RHBDL2: variants seen among roughly 807,000 people sequenced by gnomAD.
RHBDL2 encodes the protein rhomboid-related protein 2.
Under a neutral mutation model 31.7 loss-of-function variants are expected in RHBDL2, and 26 were observed. The observed-to-expected ratio is 0.82, with a 90% CI of 0.60 to 1.14. The LOEUF (loss-of-function observed/expected upper bound fraction) is 1.14, where lower values mean the gene tolerates loss of function less well. RHBDL2 is among the 50% of genes most tolerant of loss of function. RHBDL2 has a pLI of 0.00. For missense variants in RHBDL2, 336 were observed against 364.4 expected (o/e 0.92, Z 0.63); for synonymous variants, 123 against 127.2 (o/e 0.97, Z 0.22).
At position 38,911,260 on chromosome 1, in the gene RHBDL2, T is replaced by C. The variant is rs573985222; in HGVS notation, c.508+62A>G. ...AAGAAGCCTACTATAAGTGTGTATT[T>C]CATTTGCTTTTAATCCTAAGAGCCC... On this transcript the variant is annotated intron_variant, in intron 4 of 7. Transcript: ENST00000372990. 20 of 1,102,694 alleles carry C rather than the reference T, an allele frequency of 1.8e-5. No homozygotes were observed. In the South Asian group the frequency reaches 2.5e-4, roughly 14 times the overall value. 68.3% of individuals were successfully genotyped at this position (1,102,694 alleles called of 1,614,324 possible).
At chr1:38,918,792 G>A (rs1210736246) in intron 2 of RHBDL2, among the ~76,000 whole-genome samples, 175 bp downstream of exon 2, 1 of 152,162 alleles carries the variant, frequency 6.6e-6, no homozygotes. Flanking sequence ...TATAGGGAAA[G>A]CCTCAAAGGC....
In RHBDL2 at chr1:38,886,500, C is replaced by T; in HGVS notation, c.*4G>A. 1.3e-6 allele frequency: 2 copies of T among 1,554,868 alleles called. No individual in the cohort carries two copies. The highest frequency in any genetic ancestry group is 1.7e-6 in the Non-Finnish European group (2 of 1,143,134). ...TTTATTAATTGACTTACAATAGGGG[C>T]AGGTCAGTTTGCTGGAGATAGGAAA... On this transcript the variant is annotated 3_prime_UTR_variant, in exon 8 of 8. Transcript: ENST00000372990.
At position 38,925,847 on chromosome 1, in the gene RHBDL2, T is replaced by C. The variant is rs1432462919; in HGVS notation, c.-125-6510A>G. On this transcript the variant is annotated intron_variant, in intron 1 of 7. Coordinates refer to ENST00000372990, the MANE Select transcript of RHBDL2 (RefSeq NM_017821.5). Reference sequence around the variant, plus strand: ...CAAACTACATAAAGGATAACAGTCATGTGAGATATCCAGGCAGAGCAGTAG... The same window carrying C: ...CAAACTACATAAAGGATAACAGTCACGTGAGATATCCAGGCAGAGCAGTAG... The C allele has an allele frequency of 4.0e-5, 26 of 653,414 alleles. No homozygotes were observed. The South Asian group carries it at 4.3e-4, about 11-fold the overall frequency. 40.5% of individuals were successfully genotyped at this position (653,414 alleles called of 1,614,324 possible).
intron 3 of RHBDL2, 160 bp downstream of exon 3, chr1:38,915,402 C>T: frequency 1.5e-6 from 1 of 663,554 alleles, no homozygotes; most frequent in Non-Finnish European, 2.5e-6. Flanking sequence ...ATCTCCTATG[C>T]CTCAGACATA....
chr1:38,935,978 A>G (rs927128893), intron 1 of RHBDL2, among the ~76,000 whole-genome samples: 3 of 150,776 alleles, frequency 2.0e-5, no homozygotes, highest in African/African-American at 7.3e-5. Flanking sequence ...AGTGATGCAA[A>G]CCCAACTCAC....
intron 1 of RHBDL2, among the ~76,000 whole-genome samples, chr1:38,940,042 G>A (rs1643546454): frequency 6.6e-6 from 1 of 152,140 alleles, no homozygotes; most frequent in Admixed American, 6.5e-5. Context: ...GGAGTTTAGA[G>A]TCTGACCTAG....
chr1:38,912,424 G>A (rs1371831319), intron 3 of RHBDL2, among the ~76,000 whole-genome samples: 3 of 149,412 alleles, frequency 2.0e-5, no homozygotes, highest in Non-Finnish European at 4.4e-5. Flanking sequence ...TTTTTCTTGA[G>A]ACAGGGTTTC....
intron 7 of RHBDL2, 95 bp downstream of exon 7, chr1:38,887,868 G>T: frequency 2.4e-6 from 2 of 833,546 alleles, no homozygotes; most frequent in East Asian, 5.1e-5. Flanking sequence ...ATGGAAATTT[G>T]GCTGCCCTAA....
At chr1:38,926,100 A>G in intron 1 of RHBDL2, 1 of 1,194,432 alleles carries the variant, frequency 8.4e-7, no homozygotes, top group South Asian at 1.5e-5. Flanking sequence ...ACAGACATTA[A>G]CCATGCCCAA....
At chr1:38,909,682 C>T (rs941563266) in intron 4 of RHBDL2, among the ~76,000 whole-genome samples, 1 of 151,988 alleles carries the variant, frequency 6.6e-6, no homozygotes, top group African/African-American at 2.4e-5. Context: ...ACGGAGGTTG[C>T]AGTGAGCCAA....
intron 1 of RHBDL2, among the ~76,000 whole-genome samples, chr1:38,941,270 G>A (rs1300981082): frequency 6.6e-6 from 1 of 152,208 alleles, no homozygotes; most frequent in Non-Finnish European, 1.5e-5. Flanking sequence ...CCTGGCTGTG[G>A]TCTCCAGTGT....
chr1:38,934,658 C>CAAAAAA (rs369758227), intron 1 of RHBDL2, among the ~76,000 whole-genome samples: 1 of 123,822 alleles, frequency 8.1e-6, no homozygotes, highest in Non-Finnish European at 1.6e-5. Context: ...AAGACTGTCT[C>CAAAAAA]AAAAAAAAAA....
intron 7 of RHBDL2, among the ~76,000 whole-genome samples, chr1:38,887,255 G>A (rs554549812): frequency 6.6e-6 from 1 of 151,502 alleles, no homozygotes; most frequent in Non-Finnish European, 1.5e-5. Flanking sequence ...CAACTCTGTC[G>A]CCCAGGCTGG....
intron 4 of RHBDL2, among the ~76,000 whole-genome samples, chr1:38,897,295 T>A (rs768849206): frequency 1.8e-4 from 27 of 152,034 alleles, no homozygotes; most frequent in Non-Finnish European, 2.9e-4. Context: ...AGAGACGGGG[T>A]TTCACCATGT....
At chr1:38,892,173 C>T (rs377036236) in intron 6 of RHBDL2, among the ~76,000 whole-genome samples, 9 of 152,238 alleles carry the variant, frequency 5.9e-5, no homozygotes, top group South Asian at 2.1e-4. Context: ...AACGGTTGCC[C>T]GCTGCCACCT....
intron 1 of RHBDL2, among the ~76,000 whole-genome samples, chr1:38,935,937 G>T (rs1352705325): frequency 6.6e-6 from 1 of 152,058 alleles, no homozygotes; most frequent in Non-Finnish European, 1.5e-5. Context: ...TTTTGAGACA[G>T]GGTCTTGCTT....
At chr1:38,899,308 CAG>C (rs1642960070) in intron 4 of RHBDL2, among the ~76,000 whole-genome samples, 2 of 152,314 alleles carry the variant, frequency 1.3e-5, no homozygotes, top group Non-Finnish European at 1.5e-5. Flanking sequence ...GCCAGGCAAT[CAG>C]GGGCATGTCG....
chr1:38,915,338 T>C (rs751051168), intron 3 of RHBDL2, among the ~76,000 whole-genome samples: 1 of 151,998 alleles, frequency 6.6e-6, no homozygotes, highest in South Asian at 2.1e-4. Flanking sequence ...TCAGCCAGGC[T>C]GGTCTCGAAT....
chr1:38,911,873 C>A (rs1461983919), intron 3 of RHBDL2, among the ~76,000 whole-genome samples: 1 of 152,016 alleles, frequency 6.6e-6, no homozygotes, highest in Non-Finnish European at 1.5e-5. Flanking sequence ...ATGGCATGAT[C>A]TTGGCTCACT....
Sources: allele counts gnomAD v4.1 joint callset (sites outside exome capture counted in the v4.1 genomes callset), GRCh38; gene constraint gnomAD v4.1.1; transcripts MANE v1.5; gene names NCBI Gene and HGNC (gene_info 2026-07-23, HGNC 2026-07-21).